DNAAF11: variants seen among roughly 807,000 people sequenced by gnomAD.
DNAAF11 encodes the protein dynein axonemal assembly factor 11, also known as leucine rich repeat containing 6.
DNAAF11 carries 45 observed loss-of-function variants against 60.8 expected under a neutral mutation model. The observed-to-expected ratio is 0.74, with a 90% CI of 0.58 to 0.95. The LOEUF (loss-of-function observed/expected upper bound fraction) is 0.95. DNAAF11 is among the 40% of genes least tolerant of loss of function. The pLI, the probability that DNAAF11 is intolerant of heterozygous loss-of-function variation, is 0.00. For missense variants in DNAAF11, 546 were observed against 546.2 expected, an observed-to-expected ratio of 1.00 and a Z score of 0.00; for synonymous variants, 191 against 183.5, an observed-to-expected ratio of 1.04 and a Z score of -0.33.
the DNAAF11 span, among the ~76,000 whole-genome samples, chr8:132,699,220 G>C: frequency 3.9e-5 from 6 of 152,118 alleles, no homozygotes; most frequent in African/African-American, 1.4e-4. Flanking sequence ...ACATCCCTAA[G>C]ATGCTAGGGA....
At chr8:132,660,339 T>G (rs2130806041) in intron 2 of DNAAF11, among the ~76,000 whole-genome samples, 1 of 152,310 alleles carries the variant, frequency 6.6e-6, no homozygotes, top group Non-Finnish European at 1.5e-5. Context: ...GCACTAAGCA[T>G]ATCATTTCAT....
chr8:132,638,072 T>G lies in DNAAF11; in HGVS notation c.292A>C (p.Asn98His). The change falls in exon 4 of 12, where the codon AAT becomes CAT. Residue 98 changes from asparagine (N) to histidine (H), a missense_variant. Transcript: ENST00000620350. ...ATGCTGCTCAGCTCTCCAATGAAAT[T>G]CACAGTCAGGTCAAGTTTTGCCAGC... ...EELAKLDLTV[N>H]FIGELSSIKN... 6.2e-7 allele frequency: 1 copy of G among 1,614,124 alleles called. No individual in the cohort carries two copies. Among genetic ancestry groups the G allele is most frequent in the Non-Finnish European group, 8.5e-7 (1 of 1,180,004 alleles).
At chr8:132,675,655 T>A (rs1441263513), upstream of DNAAF11, 1 of 639,344 alleles carries the variant, frequency 1.6e-6, no homozygotes. Context: ...CCGCGTTTCC[T>A]GAGCTCCGCG....
At chr8:132,631,172 C>T (rs1820760349) in intron 5 of DNAAF11, among the ~76,000 whole-genome samples, 1 of 152,114 alleles carries the variant, frequency 6.6e-6, no homozygotes, top group Admixed American at 6.5e-5. Context: ...CAAAGAGAGA[C>T]CATGATGCTA....
chr8:132,591,550 T>C (rs2131076661), intron 10 of DNAAF11, among the ~76,000 whole-genome samples: 1 of 152,190 alleles, frequency 6.6e-6, no homozygotes, highest in Admixed American at 6.5e-5. Context: ...TTTTAATTGT[T>C]TTCTGAAATA....
chr8:132,593,979 T>G (rs1816735429), intron 10 of DNAAF11, among the ~76,000 whole-genome samples: 1 of 151,908 alleles, frequency 6.6e-6, no homozygotes, highest in Non-Finnish European at 1.5e-5. Flanking sequence ...AAGCTAAAGA[T>G]TTCATAAATA....
At chr8:132,597,729 C>T (rs1817170823) in intron 10 of DNAAF11, among the ~76,000 whole-genome samples, 1 of 152,164 alleles carries the variant, frequency 6.6e-6, no homozygotes, top group Non-Finnish European at 1.5e-5. Context: ...TCCTTGTCCC[C>T]AGTTGACAAC....
chr8:132,659,202 G>A lies in DNAAF11; in HGVS notation c.178+2258C>T, dbSNP rs3857931. On this transcript the variant is annotated intron_variant, in intron 2 of 11. Coordinates refer to ENST00000620350, the MANE Select transcript of DNAAF11 (RefSeq NM_012472.6). ...TCACCTCTAAGCAGTGCCTTCCTCC[G>A]CAGACCATCTGTGTCTTCCCATGGG... is the stretch of plus-strand genomic sequence containing the variant. Among the ~76,000 whole-genome samples, 564 of 152,220 alleles carry A rather than the reference G, an allele frequency of 3.7e-3. 4 individuals carry two copies. Among genetic ancestry groups the A allele is most frequent in the African/African-American group, 0.012 (506 of 41,542 alleles).
intron 4 of DNAAF11, among the ~76,000 whole-genome samples, chr8:132,635,086 T>C (rs530396318): frequency 6.6e-6 from 1 of 152,220 alleles, no homozygotes; most frequent in Non-Finnish European, 1.5e-5. Context: ...TAATAACTGA[T>C]GACAAATTTG....
chr8:132,670,115 A>C (rs1825041552), intron 1 of DNAAF11, among the ~76,000 whole-genome samples: 1 of 152,108 alleles, frequency 6.6e-6, no homozygotes, highest in East Asian at 1.9e-4. Flanking sequence ...AGAACAAATT[A>C]AACCCAAAAT....
At chr8:132,582,747 AT>A (rs1218166433) in intron 11 of DNAAF11, among the ~76,000 whole-genome samples, 1 of 152,234 alleles carries the variant, frequency 6.6e-6, no homozygotes, top group Non-Finnish European at 1.5e-5. Flanking sequence ...CAACACATAT[AT>A]ATAGCTCTTG....
intron 1 of DNAAF11, among the ~76,000 whole-genome samples, chr8:132,662,223 G>A (rs1824209510): frequency 6.6e-6 from 1 of 152,180 alleles, no homozygotes; most frequent in Admixed American, 6.5e-5. Context: ...TTTGAAAGCT[G>A]CTCACAGAAG....
intron 1 of DNAAF11, among the ~76,000 whole-genome samples, chr8:132,668,737 C>A (rs1358677901): frequency 6.6e-6 from 1 of 152,126 alleles, no homozygotes; most frequent in Non-Finnish European, 1.5e-5. Context: ...CCACCGCGCC[C>A]GGCCCTGAGC....
At chr8:132,625,821 TGAA>T (rs1174390027) in intron 5 of DNAAF11, among the ~76,000 whole-genome samples, 1 of 152,198 alleles carries the variant, frequency 6.6e-6, no homozygotes, top group African/African-American at 2.4e-5. Context: ...TCAGTAGATC[TGAA>T]GTAGTAGATC....
At chr8:132,616,348 C>T (rs1207424171) in intron 7 of DNAAF11, among the ~76,000 whole-genome samples, 2 of 151,966 alleles carry the variant, frequency 1.3e-5, no homozygotes, top group Admixed American at 6.6e-5. Flanking sequence ...CTGAGTAGAA[C>T]AGAATGTAGG....
chr8:132,687,139 T>G, the DNAAF11 span, among the ~76,000 whole-genome samples: 4 of 152,200 alleles, frequency 2.6e-5, no homozygotes, highest in Non-Finnish European at 5.9e-5. Context: ...GTAGTCTAAC[T>G]GTTGCAAAGC....
chr8:132,636,429 T>A (rs113557324), intron 4 of DNAAF11, among the ~76,000 whole-genome samples: 2 of 152,136 alleles, frequency 1.3e-5, no homozygotes. Flanking sequence ...AAACAAGCAG[T>A]GTTCATTCCC....
At chr8:132,687,799 C>A in the DNAAF11 span, 1 of 418,394 alleles carries the variant, frequency 2.4e-6, no homozygotes, top group South Asian at 1.8e-5. Flanking sequence ...TTGATATTGA[C>A]CTGCATTAAC....
At chr8:132,626,649 G>T (rs944328995) in intron 5 of DNAAF11, among the ~76,000 whole-genome samples, 4 of 152,088 alleles carry the variant, frequency 2.6e-5, no homozygotes, top group African/African-American at 9.7e-5. Flanking sequence ...TATTCTTGTG[G>T]CAAGAAAATG....
Sources: gnomAD v4.1 joint callset for allele counts (sites outside exome capture counted in the v4.1 genomes callset) on GRCh38, gnomAD v4.1.1 for gene constraint, MANE v1.5 for transcripts, NCBI Gene and HGNC (gene_info 2026-07-23, HGNC 2026-07-21) for gene names.